CTNNA3: variants seen among roughly 807,000 people sequenced by gnomAD.
The protein encoded by CTNNA3 is catenin alpha 3.
Under a neutral mutation model 95.7 loss-of-function variants are expected in CTNNA3, and 76 were observed. The observed-to-expected ratio is 0.79, with a 90% CI of 0.66 to 0.96. The LOEUF (loss-of-function observed/expected upper bound fraction) is 0.96, where lower values mean the gene tolerates loss of function less well. Ranked by LOEUF, CTNNA3 falls within the 40% of genes least tolerant of loss-of-function variation. The probability of loss-of-function intolerance (pLI) is 0.00; values close to 1 mark genes in which losing one functional copy is unlikely to be tolerated. For missense variants in CTNNA3, 1,191 were observed against 1,089.8 expected, an observed-to-expected ratio of 1.09 and a Z score of -1.31; for synonymous variants, 431 against 374.4, an observed-to-expected ratio of 1.15 and a Z score of -1.74.
intron 7 of CTNNA3, among the ~76,000 whole-genome samples, chr10:67,059,166 T>C (rs1855611442): frequency 6.6e-6 from 1 of 152,134 alleles, no homozygotes; most frequent in Non-Finnish European, 1.5e-5. Context: ...AGTAACAAGG[T>C]AACATAACAT....
chr10:65,944,538 A>G (rs1317626876), intron 17 of CTNNA3, among the ~76,000 whole-genome samples: 2 of 152,250 alleles, frequency 1.3e-5, no homozygotes, highest in Non-Finnish European at 2.9e-5. Flanking sequence ...GAGCATAATT[A>G]AGGGGGAAGG....
At chr10:67,627,159 G>A (rs1011789543) in intron 2 of CTNNA3, among the ~76,000 whole-genome samples, 1 of 152,160 alleles carries the variant, frequency 6.6e-6, no homozygotes, top group African/African-American at 2.4e-5. Context: ...GGCTTGTTGA[G>A]CCAAGCCCAA....
rs1472423919 is a variant in CTNNA3, at chr10:66,588,728, T to A, written c.1374+32964A>T. The stretch of plus-strand genomic sequence containing the variant: ...AAGGAAGAATACCAGCATATTTGGA[T>A]GGGAATAAAAGACAAGAAATTTCTT... On this transcript the variant is annotated intron_variant, in intron 10 of 17. Coordinates refer to ENST00000433211, the MANE Select transcript of CTNNA3 (RefSeq NM_013266.4). Among the ~76,000 whole-genome samples, 107 of 152,190 alleles carry A rather than the reference T, an allele frequency of 7.0e-4. 1 individual carries two copies. The highest frequency in any genetic ancestry group is 7.0e-3 in the Admixed American group (107 of 15,276).
chr10:67,358,543 G>C (rs1407955708), intron 5 of CTNNA3, among the ~76,000 whole-genome samples: 1 of 152,072 alleles, frequency 6.6e-6, no homozygotes, highest in African/African-American at 2.4e-5. Flanking sequence ...CAAGCTCCTA[G>C]TCCTGCAAAG....
chr10:67,592,102 G>A (rs547039594), intron 3 of CTNNA3, among the ~76,000 whole-genome samples: 7 of 151,958 alleles, frequency 4.6e-5, no homozygotes, highest in Admixed American at 4.6e-4. Flanking sequence ...CAATTGAATG[G>A]TGCTTTTTCC....
chr10:67,235,076 T>A (rs1865390684), intron 5 of CTNNA3, among the ~76,000 whole-genome samples: 1 of 151,462 alleles, frequency 6.6e-6, no homozygotes, highest in African/African-American at 2.4e-5. Context: ...ATCGTGAAAA[T>A]GGCCATACTG....
At chr10:67,110,725 C>G (rs1175515061) in intron 7 of CTNNA3, among the ~76,000 whole-genome samples, 2 of 151,954 alleles carry the variant, frequency 1.3e-5, no homozygotes, top group African/African-American at 4.8e-5. Context: ...AGAAGACAGG[C>G]CATATTTTAT....
chr10:66,506,635 C>A (rs993647949), intron 11 of CTNNA3, among the ~76,000 whole-genome samples: 2 of 152,088 alleles, frequency 1.3e-5, no homozygotes, highest in Non-Finnish European at 2.9e-5. Context: ...ATTGTGAGTT[C>A]TCTCAAAGCA....
chr10:67,485,709 C>A (rs551266518), intron 5 of CTNNA3, among the ~76,000 whole-genome samples: 21 of 152,228 alleles, frequency 1.4e-4, no homozygotes, highest in African/African-American at 5.1e-4. Flanking sequence ...CCCCTTTGAA[C>A]AGGAGTATGT....
intron 12 of CTNNA3, among the ~76,000 whole-genome samples, chr10:66,350,530 C>T (rs924638349): frequency 1.0e-4 from 15 of 148,680 alleles, no homozygotes; most frequent in South Asian, 2.1e-4. Flanking sequence ...TAAATCAAAA[C>T]GTAGCTCCAG....
chr10:66,184,652 T>C (rs996600305), intron 13 of CTNNA3, among the ~76,000 whole-genome samples: 65 of 152,216 alleles, frequency 4.3e-4, no homozygotes, highest in African/African-American at 1.4e-3. Context: ...ACTGTTCTCA[T>C]TGGAACAACG....
intron 15 of CTNNA3, among the ~76,000 whole-genome samples, chr10:66,003,879 T>C (rs748225651): frequency 9.2e-5 from 14 of 152,226 alleles, no homozygotes; most frequent in Non-Finnish European, 1.9e-4. Flanking sequence ...CCTTTTGCAC[T>C]ACACACATTT....
chr10:66,221,005 C>T (rs1422360595), intron 13 of CTNNA3, among the ~76,000 whole-genome samples: 10 of 152,306 alleles, frequency 6.6e-5, no homozygotes, highest in Middle Eastern at 3.4e-3. Flanking sequence ...CGCCAGGGAT[C>T]GCCCGCTTCT....
intron 13 of CTNNA3, among the ~76,000 whole-genome samples, chr10:66,218,576 A>C (rs762439983): frequency 6.6e-5 from 10 of 152,194 alleles, no homozygotes; most frequent in Non-Finnish European, 1.0e-4. Flanking sequence ...AACTCTAGCA[A>C]ACACTTCAAC....
intron 9 of CTNNA3, among the ~76,000 whole-genome samples, chr10:66,692,433 A>G (rs1489390537): frequency 8.5e-5 from 13 of 152,112 alleles, no homozygotes; most frequent in Non-Finnish European, 1.6e-4. Context: ...AAAGAAACGA[A>G]CAAAGCCTCC....
chr10:66,232,923 C>T (rs905603257), intron 13 of CTNNA3, among the ~76,000 whole-genome samples: 6 of 151,776 alleles, frequency 4.0e-5, no homozygotes, highest in African/African-American at 1.2e-4. Flanking sequence ...TTTGGGAGGC[C>T]GAGGCGGGCG....
At chr10:67,211,532 G>A (rs998851336) in intron 6 of CTNNA3, among the ~76,000 whole-genome samples, 2 of 152,130 alleles carry the variant, frequency 1.3e-5, no homozygotes, top group African/African-American at 4.8e-5. Flanking sequence ...ACTAGGTTCT[G>A]AAATATCAAC....
chr10:67,443,162 A>G (rs1846596450), intron 5 of CTNNA3, among the ~76,000 whole-genome samples: 3 of 150,226 alleles, frequency 2.0e-5, no homozygotes, highest in Admixed American at 2.0e-4. Flanking sequence ...TCCATGGTGT[A>G]TATGTGCCAC....
chr10:66,502,043 T>C (rs1348178257), intron 11 of CTNNA3, among the ~76,000 whole-genome samples: 2 of 151,898 alleles, frequency 1.3e-5, no homozygotes, highest in African/African-American at 4.8e-5. Flanking sequence ...TAAAAGTATT[T>C]TTTTAATCTA....
Sources: gnomAD v4.1 joint callset for allele counts (sites outside exome capture counted in the v4.1 genomes callset) on GRCh38, gnomAD v4.1.1 for gene constraint, MANE v1.5 for transcripts, NCBI Gene and HGNC (gene_info 2026-07-23, HGNC 2026-07-21) for gene names.